The following TCF4 variants were observed in gnomAD, a reference collection of about 807,000 sequenced individuals.
TCF4 encodes transcription factor 4.
In TCF4, 3 loss-of-function variants were observed where a neutral mutation model predicts 82.1. The observed-to-expected ratio is 0.04, with a 90% CI of 0.02 to 0.09. The LOEUF (loss-of-function observed/expected upper bound fraction) is 0.09, where lower values mean the gene tolerates loss of function less well. Among genes scored for constraint, TCF4 ranks in the 10% least tolerant of loss-of-function variants. The pLI, the probability that TCF4 is intolerant of heterozygous loss-of-function variation, is 1.00. For synonymous variants in TCF4, 276 were observed against 309.6 expected (o/e 0.89, Z 1.14); for missense variants, 518 against 852.7 (o/e 0.61, Z 4.89).
intron 2 of TCF4, among the ~76,000 whole-genome samples, chr18:55,625,867 A>G (rs908644198): frequency 6.6e-6 from 1 of 152,176 alleles, no homozygotes; most frequent in Non-Finnish European, 1.5e-5. Flanking sequence ...CCACCTTCAT[A>G]AGATGTGTTC....
At chr18:55,513,334 C>A (rs375903226) in intron 3 of TCF4, among the ~76,000 whole-genome samples, 4 of 151,318 alleles carry the variant, frequency 2.6e-5, no homozygotes, top group East Asian at 1.9e-4. Flanking sequence ...ATTTTTAAAA[C>A]CCTCTACTCA....
chr18:55,421,714 A>T (rs148250622), intron 5 of TCF4, among the ~76,000 whole-genome samples: 1 of 152,290 alleles, frequency 6.6e-6, no homozygotes, highest in Non-Finnish European at 1.5e-5. Context: ...TCATTTTTTA[A>T]CCTAAAGATC....
At chr18:55,535,019 A>T (rs2097102848) in intron 3 of TCF4, among the ~76,000 whole-genome samples, 1 of 152,248 alleles carries the variant, frequency 6.6e-6, no homozygotes, top group Admixed American at 6.5e-5. Flanking sequence ...ACACTGAGAA[A>T]ACTGAGGTTC....
intron 4 of TCF4, among the ~76,000 whole-genome samples, chr18:55,461,908 A>G (rs888860206): frequency 6.6e-6 from 1 of 152,196 alleles, no homozygotes; most frequent in African/African-American, 2.4e-5. Context: ...CGCAATAGGA[A>G]AGAGTTAAAA....
intron 3 of TCF4, among the ~76,000 whole-genome samples, chr18:55,472,959 T>A (rs1419436838): frequency 6.6e-6 from 1 of 152,218 alleles, no homozygotes; most frequent in Non-Finnish European, 1.5e-5. Flanking sequence ...CATTTAAGAA[T>A]ATGCTTCATT....
rs755809483 is a variant in TCF4, at chr18:55,304,313, C to T, written c.550-24657G>A. The stretch of plus-strand genomic sequence containing the variant: ...AAACATAAACAAAAATATAGGAATT[C>T]GATGTGAGAGTAAGACAAATAAGCC... On this transcript the variant is annotated intron_variant, in intron 8 of 19. Coordinates refer to ENST00000354452, the MANE Select transcript of TCF4 (RefSeq NM_001083962.2). Among the ~76,000 whole-genome samples, 172 of 151,998 alleles carry T rather than the reference C, an allele frequency of 1.1e-3. 1 individual carries two copies. Among genetic ancestry groups the T allele is most frequent in the Non-Finnish European group, 5.4e-4 (37 of 67,968 alleles).
In TCF4 at chr18:55,588,156, C is replaced by CCCG. The variant is rs886053961; in HGVS notation, c.-142_-140dup. 1,551 of 1,092,998 alleles carry CCCG rather than the reference C, an allele frequency of 1.4e-3. No individual in the cohort carries two copies. The highest frequency in any genetic ancestry group is 8.5e-3 in the African/African-American group (507 of 59,788). The allele number at this position is 1,092,998 out of a possible 1,614,324, so 67.7% of individuals were successfully genotyped here. The stretch of plus-strand genomic sequence containing the variant: ...CGCCCGCTCCCGCGCCTGCTGCCTC[C>CCCG]CCGCCGCCGCCGCCGCCGCCGCCAC... On this transcript the variant is annotated 5_prime_UTR_variant, in exon 1 of 20. Coordinates refer to ENST00000354452, the MANE Select transcript of TCF4 (RefSeq NM_001083962.2).
intron 10 of TCF4, among the ~76,000 whole-genome samples, chr18:55,272,939 G>T (rs1289262692): frequency 6.6e-6 from 1 of 152,086 alleles, no homozygotes; most frequent in Non-Finnish European, 1.5e-5. Flanking sequence ...AGACTCCTAG[G>T]ACTGTTTCGC....
chr18:55,421,596 C>T (rs914461836), intron 5 of TCF4, among the ~76,000 whole-genome samples: 3 of 152,142 alleles, frequency 2.0e-5, no homozygotes, highest in African/African-American at 7.2e-5. Flanking sequence ...TGCTTATAAA[C>T]GTTATAATTT....
chr18:55,319,024 TG>T (rs1397717682), intron 8 of TCF4, among the ~76,000 whole-genome samples: 4 of 152,194 alleles, frequency 2.6e-5, no homozygotes, highest in Non-Finnish European at 5.9e-5. Context: ...AACAAGTAAT[TG>T]ACTTGTCACT....
chr18:55,401,910 C>CA, intron 6 of TCF4: 1 of 853,718 alleles, frequency 1.2e-6, no homozygotes, highest in Non-Finnish European at 1.4e-6. Flanking sequence ...TTCTTCTCCC[C>CA]AAAACTCTAA....
intron 3 of TCF4, among the ~76,000 whole-genome samples, chr18:55,536,463 G>C (rs1254292543): frequency 1.3e-5 from 2 of 152,138 alleles, no homozygotes; most frequent in African/African-American, 4.8e-5. Context: ...TACAAACACA[G>C]TAACCTAGTG....
At chr18:55,346,574 C>T (rs1233957539) in intron 8 of TCF4, among the ~76,000 whole-genome samples, 1 of 152,070 alleles carries the variant, frequency 6.6e-6, no homozygotes, top group East Asian at 1.9e-4. Flanking sequence ...ATCCTATTTC[C>T]AGAAAAATCT....
Position 55,350,392 on chromosome 18 carries a change from T to C in TCF4, c.516A>G (p.Lys172=). 1 of 1,613,680 alleles carries C rather than the reference T, an allele frequency of 6.2e-7. No individual in the cohort carries two copies. Among genetic ancestry groups the C allele is most frequent in the Non-Finnish European group, 8.5e-7 (1 of 1,179,716 alleles). Residue 172 remains lysine (K), a synonymous_variant, in exon 8 of 20, where the codon AAA becomes AAG. Transcript: ENST00000354452. ...HSSAMEVQTK[K]VRKVPPGLPS... is the part of the protein sequence containing the mutation. The stretch of plus-strand genomic sequence containing the variant: ...GCAAACCTGGAGGAACTTTTCGAAC[T>C]TTCTTTGTCTGTACCTCTGAAAGAA...
intron 3 of TCF4, among the ~76,000 whole-genome samples, chr18:55,527,776 A>G (rs2097005120): frequency 6.6e-6 from 1 of 152,198 alleles, no homozygotes; most frequent in East Asian, 1.9e-4. Context: ...GGCCTCCCCC[A>G]AGATTTTCAA....
At chr18:55,229,219 C>G in intron 17 of TCF4, 143 bp from the exon 18 acceptor site, 1 of 881,500 alleles carries the variant, frequency 1.1e-6, no homozygotes, top group Non-Finnish European at 1.8e-6. Context: ...TCCACTTGAC[C>G]TTGGGATTGG....
At chr18:55,394,617 G>T (rs1240153345) in intron 6 of TCF4, among the ~76,000 whole-genome samples, 1 of 152,162 alleles carries the variant, frequency 6.6e-6, no homozygotes, top group East Asian at 1.9e-4. Flanking sequence ...TTAAGTACAA[G>T]AAATGTCTGA....
chr18:55,263,352 C>T (rs1003424353), intron 11 of TCF4, among the ~76,000 whole-genome samples: 4 of 151,992 alleles, frequency 2.6e-5, no homozygotes, highest in Non-Finnish European at 5.9e-5. Context: ...CCACTGGGAG[C>T]AGCTCAGATA....
At chr18:55,489,456 G>T (rs1176904806) in intron 3 of TCF4, among the ~76,000 whole-genome samples, 1 of 152,092 alleles carries the variant, frequency 6.6e-6, no homozygotes, top group African/African-American at 2.4e-5. Flanking sequence ...AGTACCAGGC[G>T]AGTATCAGGG....
Sources: allele counts gnomAD v4.1 joint callset (sites outside exome capture counted in the v4.1 genomes callset), GRCh38; gene constraint gnomAD v4.1.1; transcripts MANE v1.5; gene names NCBI Gene and HGNC (gene_info 2026-07-23, HGNC 2026-07-21).